ERC1: variants seen among roughly 807,000 people sequenced by gnomAD.
The protein encoded by ERC1 is RAB6 interacting protein 2.
In ERC1, 56 loss-of-function variants were observed where a neutral mutation model predicts 132.0. That is an observed-to-expected ratio of 0.42 (90% CI 0.34 to 0.53). The LOEUF is 0.53. Ranked by LOEUF, ERC1 falls within the 20% of genes least tolerant of loss-of-function variation. The pLI, the probability that ERC1 is intolerant of heterozygous loss-of-function variation, is 0.03. For missense variants in ERC1, 1,202 were observed against 1,349.9 expected (o/e 0.89, Z 1.72); for synonymous variants, 478 against 476.1 (o/e 1.00, Z -0.05).
At chr12:1,130,288 C>A (rs1369421814) in intron 7 of ERC1, among the ~76,000 whole-genome samples, 1 of 152,038 alleles carries the variant, frequency 6.6e-6, no homozygotes. Flanking sequence ...CACTTGAGCC[C>A]AGGAGGGTTT....
intron 15 of ERC1, among the ~76,000 whole-genome samples, chr12:1,350,200 A>G (rs1433135739): frequency 6.6e-6 from 1 of 152,206 alleles, no homozygotes; most frequent in African/African-American, 2.4e-5. Flanking sequence ...TCACCACAGT[A>G]ATTGACTCAG....
intron 8 of ERC1, among the ~76,000 whole-genome samples, chr12:1,175,289 T>TA (rs1370564522): frequency 6.6e-6 from 1 of 152,174 alleles, no homozygotes; most frequent in African/African-American, 2.4e-5. Context: ...AAGATTTCTC[T>TA]GAATCCTGCA....
intron 2 of ERC1, among the ~76,000 whole-genome samples, chr12:1,056,664 C>G (rs934941908): frequency 2.0e-5 from 3 of 152,026 alleles, no homozygotes; most frequent in Admixed American, 6.6e-5. Context: ...GTCTGCCCAG[C>G]GCAGTGTCTG....
intron 15 of ERC1, among the ~76,000 whole-genome samples, chr12:1,368,072 C>T (rs1047701149): frequency 2.0e-5 from 3 of 150,760 alleles, no homozygotes; most frequent in Non-Finnish European, 4.4e-5. Context: ...CATATATTAC[C>T]GTTCACATTT....
intron 17 of ERC1, 29 bp from the exon 18 acceptor site, chr12:1,444,533 T>A: frequency 1.3e-6 from 2 of 1,491,852 alleles, no homozygotes; most frequent in Non-Finnish European, 1.8e-6. Context: ...CCTCATTTTA[T>A]TTTATTTTAT....
chr12:1,169,137 A>G (rs1170213413), intron 8 of ERC1, among the ~76,000 whole-genome samples: 1 of 152,256 alleles, frequency 6.6e-6, no homozygotes, highest in South Asian at 2.1e-4. Flanking sequence ...CATGGCAACT[A>G]CAATTTCATG....
At chr12:1,189,811 A>G (rs200538955) in intron 11 of ERC1, 48 bp from the exon 12 acceptor site, 1 of 1,469,538 alleles carries the variant, frequency 6.8e-7, no homozygotes, top group African/African-American at 1.4e-5. Flanking sequence ...TGGTTTGCCC[A>G]TTGCCACCTG....
At chr12:1,091,556 G>A (rs750414640) in intron 3 of ERC1, among the ~76,000 whole-genome samples, 1 of 152,142 alleles carries the variant, frequency 6.6e-6, no homozygotes, top group Non-Finnish European at 1.5e-5. Flanking sequence ...CACTTATCAC[G>A]TATTTACTGG....
chr12:1,405,153 A>AAATT, intron 16 of ERC1, among the ~76,000 whole-genome samples: 1 of 133,862 alleles, frequency 7.5e-6, no homozygotes. Flanking sequence ...AAATATAAAT[A>AAATT]AATAAATAAA....
intron 14 of ERC1, among the ~76,000 whole-genome samples, chr12:1,270,727 C>T (rs2077782748): frequency 6.6e-6 from 1 of 151,334 alleles, no homozygotes; most frequent in Non-Finnish European, 1.5e-5. Flanking sequence ...ACTCAGTGCA[C>T]AAGAATTCTT....
intron 2 of ERC1, among the ~76,000 whole-genome samples, chr12:1,057,395 GGCTTACAGGCAT>G (rs930343075): frequency 1.3e-5 from 2 of 152,098 alleles, no homozygotes; most frequent in Admixed American, 1.3e-4. Flanking sequence ...GAAAGCGCTG[GGCTTACAGGCAT>G]GAGCCACTGC....
chr12:1,070,497 G>T (rs1332430014), intron 2 of ERC1, among the ~76,000 whole-genome samples: 1 of 151,784 alleles, frequency 6.6e-6, no homozygotes, highest in East Asian at 1.9e-4. Context: ...TGTTGCCCAG[G>T]CTGGTCTTGA....
chr12:1,300,121 C>T (rs756228773), intron 15 of ERC1, among the ~76,000 whole-genome samples: 2 of 152,054 alleles, frequency 1.3e-5, no homozygotes, highest in Non-Finnish European at 2.9e-5. Context: ...AGCAGACACA[C>T]AGAGCAAAGG....
At chr12:1,051,256 A>G (rs756510311) in intron 2 of ERC1, among the ~76,000 whole-genome samples, 1 of 152,186 alleles carries the variant, frequency 6.6e-6, no homozygotes, top group Non-Finnish European at 1.5e-5. Context: ...GGACATCAGG[A>G]TTTTTAAAAC....
intron 14 of ERC1, among the ~76,000 whole-genome samples, chr12:1,286,041 C>G (rs1414863067): frequency 6.6e-6 from 1 of 152,110 alleles, no homozygotes; most frequent in Non-Finnish European, 1.5e-5. Context: ...GAGATGGAGT[C>G]CCAGCACTTT....
chr12:1,106,953 T>C (rs1565979581), intron 4 of ERC1, among the ~76,000 whole-genome samples: 1 of 152,210 alleles, frequency 6.6e-6, no homozygotes, highest in Non-Finnish European at 1.5e-5. Context: ...GCTGTGTTGC[T>C]GAGAATGTGG....
chr12:1,288,432 T>C (rs1051839591), intron 14 of ERC1, among the ~76,000 whole-genome samples: 1 of 152,230 alleles, frequency 6.6e-6, no homozygotes, highest in African/African-American at 2.4e-5. Context: ...TATATTCTTA[T>C]GGCAACTGGG....
At chr12:1,339,798 G>T (rs1402443457) in intron 15 of ERC1, among the ~76,000 whole-genome samples, 1 of 152,152 alleles carries the variant, frequency 6.6e-6, no homozygotes, top group Admixed American at 6.5e-5. Context: ...GTTGGGGAGG[G>T]TCTGCTGTCC....
intron 16 of ERC1, among the ~76,000 whole-genome samples, chr12:1,388,512 G>A (rs1324409985): frequency 2.0e-5 from 3 of 152,154 alleles, no homozygotes; most frequent in East Asian, 1.9e-4. Flanking sequence ...GGGCAGTGAC[G>A]TGAGACTCCA....
Sources: allele counts gnomAD v4.1 joint callset (sites outside exome capture counted in the v4.1 genomes callset), GRCh38; gene constraint gnomAD v4.1.1; transcripts MANE v1.5; gene names NCBI Gene and HGNC (gene_info 2026-07-23, HGNC 2026-07-21).